Variants in KCNH7 observed in about 807,000 individuals in gnomAD.
KCNH7 encodes potassium voltage-gated channel subfamily H member 7.
In KCNH7, 49 loss-of-function variants were observed where a neutral mutation model predicts 120.8. That is an observed-to-expected ratio of 0.41 (90% CI 0.32 to 0.51). The LOEUF is 0.51. Ranked by LOEUF, KCNH7 falls within the 20% of genes least tolerant of loss-of-function variation. KCNH7 has a pLI of 0.38. For missense variants in KCNH7, 1,097 were observed against 1,446.6 expected (o/e 0.76, Z 3.92); for synonymous variants, 547 against 516.1 (o/e 1.06, Z -0.81).
chr2:162,798,249 T>G (rs1684214726), intron 2 of KCNH7, among the ~76,000 whole-genome samples: 1 of 152,102 alleles, frequency 6.6e-6, no homozygotes, highest in South Asian at 2.1e-4. Context: ...GCCCTAAGGC[T>G]TTTTAAAATT....
chr2:162,444,142 T>C (rs567744285), intron 7 of KCNH7, among the ~76,000 whole-genome samples: 3 of 152,294 alleles, frequency 2.0e-5, no homozygotes, highest in African/African-American at 7.2e-5. Flanking sequence ...CCTGAAACCT[T>C]TCTGCACTGT....
chr2:162,699,213 C>G (rs1035785249), intron 2 of KCNH7, among the ~76,000 whole-genome samples: 9 of 152,040 alleles, frequency 5.9e-5, no homozygotes, highest in African/African-American at 1.2e-4. Flanking sequence ...ATCCTTTGAA[C>G]AACATTTCCC....
chr2:162,713,735 T>A lies in KCNH7; in HGVS notation c.307+122802A>T, dbSNP rs201107403. Among the ~76,000 whole-genome samples the A allele has an allele frequency of 2.6e-5, 4 of 152,086 alleles. No individual in the cohort carries two copies. In the East Asian group the frequency reaches 7.7e-4, roughly 29 times the overall value. Reference sequence around the variant, plus strand: ...AGTAATGTAGTATTATTGTTGTTGTTTTTCTTTTTTGTTTGTTTGTTTTGT... The same window carrying A: ...AGTAATGTAGTATTATTGTTGTTGTATTTCTTTTTTGTTTGTTTGTTTTGT... On this transcript the variant is annotated intron_variant, in intron 2 of 15. Transcript: ENST00000332142.
At chr2:162,823,926 C>T (rs1393230936) in intron 2 of KCNH7, among the ~76,000 whole-genome samples, 1 of 151,586 alleles carries the variant, frequency 6.6e-6, no homozygotes, top group Non-Finnish European at 1.5e-5. Context: ...TAAGAAGTAC[C>T]TATGAAAATA....
chr2:162,792,594 G>A (rs565498360), intron 2 of KCNH7, among the ~76,000 whole-genome samples: 3 of 151,746 alleles, frequency 2.0e-5, no homozygotes, highest in Non-Finnish European at 4.4e-5. Context: ...ATTATCTGGT[G>A]GTTGTTTATA....
intron 9 of KCNH7, among the ~76,000 whole-genome samples, chr2:162,417,894 T>C (rs1687586943): frequency 1.3e-5 from 2 of 152,152 alleles, no homozygotes; most frequent in African/African-American, 4.8e-5. Context: ...TTCTTGTTCT[T>C]TGTAATATTT....
At chr2:162,404,275 G>A (rs539430001) in intron 9 of KCNH7, among the ~76,000 whole-genome samples, 1 of 151,992 alleles carries the variant, frequency 6.6e-6, no homozygotes, top group East Asian at 1.9e-4. Context: ...TGAAGCCATG[G>A]TTTTATTGAG....
At chr2:162,399,541 G>GC (rs1204334894) in intron 10 of KCNH7, among the ~76,000 whole-genome samples, 1 of 151,500 alleles carries the variant, frequency 6.6e-6, no homozygotes, top group Non-Finnish European at 1.5e-5. Flanking sequence ...CTCACGACAG[G>GC]CCCCAGTGTG....
At chr2:162,387,039 C>T (rs1686594873) in intron 12 of KCNH7, among the ~76,000 whole-genome samples, 1 of 150,094 alleles carries the variant, frequency 6.7e-6, no homozygotes, top group Admixed American at 6.7e-5. Flanking sequence ...AATTCTTTAG[C>T]AAAAATTTCA....
intron 2 of KCNH7, among the ~76,000 whole-genome samples, chr2:162,701,893 G>C (rs1276002405): frequency 6.6e-6 from 1 of 151,998 alleles, no homozygotes; most frequent in Non-Finnish European, 1.5e-5. Flanking sequence ...TGTAGTCCCA[G>C]CTACTTGGGA....
chr2:162,378,965 A>G (rs1295653818), intron 14 of KCNH7, among the ~76,000 whole-genome samples: 7 of 152,228 alleles, frequency 4.6e-5, no homozygotes, highest in Non-Finnish European at 1.0e-4. Context: ...CAAATGCATG[A>G]ACATTGTGTA....
chr2:162,568,951 A>G (rs887494665), intron 2 of KCNH7, among the ~76,000 whole-genome samples: 2 of 152,046 alleles, frequency 1.3e-5, no homozygotes, highest in Non-Finnish European at 2.9e-5. Flanking sequence ...TTTTGCATCA[A>G]TGTTCATCAA....
intron 9 of KCNH7, among the ~76,000 whole-genome samples, chr2:162,408,392 G>A (rs960352425): frequency 8.6e-5 from 13 of 152,002 alleles, no homozygotes; most frequent in South Asian, 2.1e-4. Context: ...TCAAAATAGC[G>A]GAAGTTATCT....
chr2:162,542,679 T>G (rs1231603129), intron 2 of KCNH7, among the ~76,000 whole-genome samples: 2 of 152,058 alleles, frequency 1.3e-5, no homozygotes, highest in African/African-American at 4.8e-5. Context: ...GTTCCAAGTC[T>G]TTGCTATTGT....
intron 2 of KCNH7, among the ~76,000 whole-genome samples, chr2:162,627,411 A>C (rs1683599169): frequency 6.6e-6 from 1 of 152,224 alleles, no homozygotes; most frequent in Non-Finnish European, 1.5e-5. Context: ...AAGCAAAATT[A>C]ATATGTATTT....
chr2:162,682,336 C>G (rs930617973), intron 2 of KCNH7, among the ~76,000 whole-genome samples: 60 of 151,624 alleles, frequency 4.0e-4, no homozygotes, highest in African/African-American at 1.4e-3. Flanking sequence ...AACCATAAAG[C>G]CTTGCTGTTG....
rs182519727 is a variant in KCNH7, at chr2:162,507,021, C to G, written c.914-2364G>C. On this transcript the variant is annotated intron_variant, in intron 5 of 15. Coordinates refer to ENST00000332142, the MANE Select transcript of KCNH7 (RefSeq NM_033272.4). ...AACTAACTGTTTCACATATAAACAC[C>G]ACAATGTGCTTTTTACATGATTTTA... 1.3e-3 allele frequency among the ~76,000 whole-genome samples: 205 copies of G among 151,940 alleles called. 1 individual carries two copies. The highest frequency in any genetic ancestry group is 1.2e-4 in the Non-Finnish European group (8 of 67,834).
At chr2:162,657,463 C>T (rs1247707006) in intron 2 of KCNH7, among the ~76,000 whole-genome samples, 3 of 152,134 alleles carry the variant, frequency 2.0e-5, no homozygotes, top group Non-Finnish European at 1.5e-5. Flanking sequence ...ATTTAAGTAC[C>T]TTCTTAAACC....
chr2:162,617,730 A>T (rs918158536), intron 2 of KCNH7, among the ~76,000 whole-genome samples: 4 of 152,192 alleles, frequency 2.6e-5, no homozygotes, highest in Non-Finnish European at 5.9e-5. Flanking sequence ...TAAACTGGTT[A>T]CTAATGTACA....
Sources: gnomAD v4.1 joint callset for allele counts (sites outside exome capture counted in the v4.1 genomes callset) on GRCh38, gnomAD v4.1.1 for gene constraint, MANE v1.5 for transcripts, NCBI Gene and HGNC (gene_info 2026-07-23, HGNC 2026-07-21) for gene names.